Variants in SH3TC1 observed in about 807,000 individuals in gnomAD.
The protein encoded by SH3TC1 is SH3 domain and tetratricopeptide repeats 1.
In SH3TC1, 135 loss-of-function variants were observed where a neutral mutation model predicts 117.3. The ratio of observed to expected loss-of-function variants is 1.15; its 90% CI spans 1.00 to 1.33. The LOEUF (loss-of-function observed/expected upper bound fraction) is 1.33, where lower values mean the gene tolerates loss of function less well. SH3TC1 is among the 40% of genes most tolerant of loss of function. The pLI, the probability that SH3TC1 is intolerant of heterozygous loss-of-function variation, is 0.00. For missense variants in SH3TC1, 2,092 were observed against 1,794.3 expected (o/e 1.17, Z -3.00); for synonymous variants, 898 against 816.9 (o/e 1.10, Z -1.69).
Position 8,227,547 on chromosome 4 carries a change from A to C in SH3TC1, c.1853A>C (p.Glu618Ala). Reference sequence around the variant, plus strand: ...ATTTACCGGAAGCAGAAGAACCGGGAGAAGTGTGCACAGGTGGTGCCCAAA... The same window carrying C: ...ATTTACCGGAAGCAGAAGAACCGGGCGAAGTGTGCACAGGTGGTGCCCAAA... ...ASIYRKQKNR[E>A]KCAQVVPKAM... The change falls in exon 12 of 18, where the codon GAG (glutamate) becomes GCG (alanine). Residue 618 changes from glutamate to alanine, a missense_variant. Glu to Ala is a moderately radical substitution (Grantham distance 107). Coordinates refer to ENST00000245105, the MANE Select transcript of SH3TC1 (RefSeq NM_018986.5). 6.5e-7 allele frequency: 1 copy of C among 1,530,692 alleles called. No individual in the cohort carries two copies. The highest frequency in any genetic ancestry group is 2.2e-5 in the Admixed American group (1 of 46,080). 94.8% of individuals were successfully genotyped at this position (1,530,692 alleles called of 1,614,324 possible).
In SH3TC1 at chr4:8,205,893, C is replaced by A. The variant is rs181560736; in HGVS notation, c.172+527C>A. ...ATCCCCTCTTACCCCCATCCTGAGACCCTGAAGGGGACGAGGGGAGAGGCA... is the reference window on the plus strand; with the variant it reads ...ATCCCCTCTTACCCCCATCCTGAGAACCTGAAGGGGACGAGGGGAGAGGCA... On this transcript the variant is annotated intron_variant, in intron 2 of 17. Transcript: ENST00000245105. This position sits in a 1 kb window ranked among gnomAD's most constrained non-coding sequence, Gnocchi z 5.4. 1.3e-5 allele frequency: 7 copies of A among 550,164 alleles called. No homozygotes were observed. In the Admixed American group the frequency reaches 2.2e-4, roughly 17 times the overall value. 34.1% of individuals were successfully genotyped at this position (550,164 alleles called of 1,614,324 possible). A position where few individuals can be genotyped will look rare whatever the true frequency, so the allele number is the denominator to read the frequency against.
intron 6 of SH3TC1, among the ~76,000 whole-genome samples, chr4:8,216,470 G>T (rs1270631233): frequency 1.3e-5 from 2 of 152,200 alleles, no homozygotes; most frequent in African/African-American, 4.8e-5. Context: ...GGGACACAGA[G>T]GTGCCTGGGA....
rs1461326124 is a variant in SH3TC1, at chr4:8,190,832, G to A, written c.-57+8622G>A. ...ATTTTTTTGTATTTTTTGTAGAGAC[G>A]GGTTTCACCATGTTGCCCAGGCTGG... On this transcript the variant is annotated intron_variant, in intron 1 of 16. Coordinates refer to the SH3TC1 transcript ENST00000508641. The surrounding 1 kb of genome is among the most constrained non-coding windows in gnomAD (Gnocchi z 4.7). Among the ~76,000 whole-genome samples the A allele has an allele frequency of 2.0e-5, 3 of 151,996 alleles. No homozygotes were observed. The highest frequency in any genetic ancestry group is 2.1e-4 in the South Asian group (1 of 4,824).
chr4:8,203,234 C>T (rs1717957556), intron 1 of SH3TC1, among the ~76,000 whole-genome samples: 1 of 152,122 alleles, frequency 6.6e-6, no homozygotes, highest in Non-Finnish European at 1.5e-5. Flanking sequence ...GGGATGGCAG[C>T]TTCAGTGTGC....
chr4:8,207,642 A>C (rs1718317239), intron 2 of SH3TC1, among the ~76,000 whole-genome samples: 1 of 152,170 alleles, frequency 6.6e-6, no homozygotes, highest in Admixed American at 6.5e-5. Context: ...GTAGGCTCAC[A>C]CATCTTTAAT....
Position 8,206,438 on chromosome 4 carries a change from G to A in SH3TC1, c.172+1072G>A, listed in dbSNP as rs972960598. ...CGAGTGCACAAGGAGACTGAGACGC[G>A]CAGGAGGGCCCTGGCCAGCCTCCCA... On this transcript the variant is annotated intron_variant, in intron 2 of 17. Transcript: ENST00000245105. This position sits in a 1 kb window ranked among gnomAD's most constrained non-coding sequence, Gnocchi z 5.5. 2.6e-5 allele frequency among the ~76,000 whole-genome samples: 4 copies of A among 152,116 alleles called. No individual in the cohort carries two copies. Among genetic ancestry groups the A allele is most frequent in the Admixed American group, 6.5e-5 (1 of 15,286 alleles).
chr4:8,183,380 C>T lies in SH3TC1; in HGVS notation c.-57+1170C>T, dbSNP rs1454823427. Among the ~76,000 whole-genome samples, 7 of 152,268 alleles carry T rather than the reference C, an allele frequency of 4.6e-5. No individual in the cohort carries two copies. Among genetic ancestry groups the T allele is most frequent in the African/African-American group, 1.4e-4 (6 of 41,558 alleles). On this transcript the variant is annotated intron_variant, in intron 1 of 16. Transcript: ENST00000508641. The surrounding 1 kb of genome is among the most constrained non-coding windows in gnomAD (Gnocchi z 5.4). Reference sequence around the variant, plus strand: ...TGCTGTGGGAACAATGACCAGAAACCGGCCCTGCCCCACGCATCTCTGTGA... The same window carrying T: ...TGCTGTGGGAACAATGACCAGAAACTGGCCCTGCCCCACGCATCTCTGTGA...
intron 12 of SH3TC1, among the ~76,000 whole-genome samples, 165 bp downstream of exon 12, chr4:8,228,809 GCAGGGC>G (rs547471363): frequency 3.1e-4 from 47 of 152,356 alleles, no homozygotes; most frequent in South Asian, 8.3e-4. Context: ...CAGTTCCCAC[GCAGGGC>G]CAGGCCCTCT....
chr4:8,211,800 C>CTGGAGCTCCT (rs1207389013), intron 3 of SH3TC1, among the ~76,000 whole-genome samples: 9 of 152,070 alleles, frequency 5.9e-5, no homozygotes, highest in Non-Finnish European at 2.9e-5. Context: ...CCACAGCCCC[C>CTGGAGCTCCT]GTGGCAGGTG....
chr4:8,241,047 G>A lies in SH3TC1; in HGVS notation c.*92G>A, dbSNP rs1366368287. The A allele has an allele frequency of 1.3e-6, 2 of 1,539,580 alleles. No individual in the cohort carries two copies. Among genetic ancestry groups the A allele is most frequent in the Admixed American group, 1.9e-5 (1 of 51,572 alleles). On this transcript the variant is annotated 3_prime_UTR_variant, in exon 18 of 18. Transcript: ENST00000245105. ...GGTGGCTCATTTTCTGGCAAATGGA[G>A]GCACGAACGCAGGGGCCAAATAGCA...
Position 8,205,576 on chromosome 4 carries a change from C to A in SH3TC1, c.172+210C>A. The stretch of plus-strand genomic sequence containing the variant: ...GCTGAGTCACTTGAGAGGCCAGGGC[C>A]CAGCTCGTGTTTTTCCAGGGACGCG... On this transcript the variant is annotated intron_variant, in intron 2 of 17. Transcript: ENST00000245105. The surrounding 1 kb of genome is among the most constrained non-coding windows in gnomAD (Gnocchi z 5.4). The A allele has an allele frequency of 1.2e-6, 1 of 808,398 alleles. No homozygotes were observed. Among genetic ancestry groups the A allele is most frequent in the Non-Finnish European group, 2.2e-6 (1 of 457,230 alleles). 50.1% of individuals were successfully genotyped at this position (808,398 alleles called of 1,614,324 possible). A position where few individuals can be genotyped will look rare whatever the true frequency, so the allele number is the denominator to read the frequency against.
chr4:8,233,788 T>A (rs1721488441), intron 14 of SH3TC1, among the ~76,000 whole-genome samples: 1 of 147,894 alleles, frequency 6.8e-6, no homozygotes, highest in African/African-American at 2.6e-5. Context: ...TATCCATCCA[T>A]TCACCTGTTC....
chr4:8,238,798 A>G (rs1021209120), intron 17 of SH3TC1, among the ~76,000 whole-genome samples: 2 of 151,944 alleles, frequency 1.3e-5, no homozygotes, highest in African/African-American at 2.4e-5. Context: ...CCTGCTGCCC[A>G]CTCCGCCCAC....
At chr4:8,215,885 C>T (rs572526513) in intron 5 of SH3TC1, among the ~76,000 whole-genome samples, 5 of 152,196 alleles carry the variant, frequency 3.3e-5, no homozygotes, top group South Asian at 2.1e-4. Context: ...CCACGGTTGC[C>T]GCTGGTGGGT....
intron 12 of SH3TC1, chr4:8,231,090 C>G (rs745793218): frequency 6.6e-6 from 1 of 152,240 alleles, no homozygotes; most frequent in South Asian, 2.1e-4. Flanking sequence ...CCGTGCTGTG[C>G]GTTTGTTTTC....
At position 8,192,811 on chromosome 4, in the gene SH3TC1, C is replaced by T. The variant is rs1316275952; in HGVS notation, c.-57+10601C>T. ...CCGGCCCACTTGTCTTTATTTGTTG[C>T]CTTCTCTTCTGCTCCGAGTTTAGGT... On this transcript the variant is annotated intron_variant, in intron 1 of 16. Coordinates refer to the SH3TC1 transcript ENST00000508641. The surrounding 1 kb of genome is among the most constrained non-coding windows in gnomAD (Gnocchi z 4.1). Among the ~76,000 whole-genome samples, 1 of 152,172 alleles carries T rather than the reference C, an allele frequency of 6.6e-6. No homozygotes were observed. The highest frequency in any genetic ancestry group is 2.4e-5 in the African/African-American group (1 of 41,448).
chr4:8,222,270 A>C (rs58152645), intron 9 of SH3TC1, among the ~76,000 whole-genome samples: 5,787 of 151,338 alleles, frequency 0.038, 323 homozygotes, highest in African/African-American at 0.13. Flanking sequence ...CTGTCCTAGG[A>C]CACCATTACT....
rs953865113 is a variant in SH3TC1 at position 8,186,070 on chromosome 4, G to T, written c.-57+3860G>T. Among the ~76,000 whole-genome samples, 5 of 152,186 alleles carry T rather than the reference G, an allele frequency of 3.3e-5. No individual in the cohort carries two copies. Among genetic ancestry groups the T allele is most frequent in the African/African-American group, 4.8e-5 (2 of 41,432 alleles). On this transcript the variant is annotated intron_variant, in intron 1 of 16. Coordinates refer to the SH3TC1 transcript ENST00000508641. The surrounding 1 kb of genome is among the most constrained non-coding windows in gnomAD (Gnocchi z 5.2). ...TGATAGGCAGGAGCTGTCCGCGCGG[G>T]CCCCTCGCTGTTTTACTGTGGAGTT...
At chr4:8,188,521 C>T (rs1717298542) in intron 1 of SH3TC1, among the ~76,000 whole-genome samples, 1 of 152,270 alleles carries the variant, frequency 6.6e-6, no homozygotes, top group Non-Finnish European at 1.5e-5. Flanking sequence ...AGAATCTGCT[C>T]TCCATCATTG....
Sources: gnomAD v4.1 joint callset for allele counts (sites outside exome capture counted in the v4.1 genomes callset) on GRCh38, gnomAD v4.1.1 for gene constraint, Gnocchi (gnomAD v3.1) non-coding constraint, MANE v1.5 for transcripts, NCBI Gene and HGNC (gene_info 2026-07-23, HGNC 2026-07-21) for gene names.